Variants in SAXO1 observed in about 807,000 individuals in gnomAD.
SAXO1 encodes the protein 4930500O09Rik.
Under a neutral mutation model 17.5 loss-of-function variants are expected in SAXO1, and 21 were observed. That is an observed-to-expected ratio of 1.20 (90% CI 0.85 to 1.72). SAXO1 has a LOEUF of 1.72. SAXO1 is among the 40% of genes most tolerant of loss of function. SAXO1 has a pLI of 0.00. For synonymous variants in SAXO1, 274 were observed against 216.5 expected, an observed-to-expected ratio of 1.27 and a Z score of -2.33; for missense variants, 843 against 596.0, an observed-to-expected ratio of 1.41 and a Z score of -4.32.
intron 1 of SAXO1, among the ~76,000 whole-genome samples, chr9:18,956,643 C>T (rs1050283915): frequency 3.9e-5 from 6 of 152,166 alleles, no homozygotes; most frequent in Non-Finnish European, 7.4e-5. Flanking sequence ...CTTAACTCCT[C>T]CGAACTTCAA....
intron 1 of SAXO1, among the ~76,000 whole-genome samples, chr9:19,041,520 G>A (rs1162727154): frequency 2.0e-5 from 3 of 152,094 alleles, no homozygotes; most frequent in Non-Finnish European, 4.4e-5. Flanking sequence ...AAAATTGGAG[G>A]AATCACATTA....
intron 1 of SAXO1, among the ~76,000 whole-genome samples, chr9:19,001,127 C>T (rs112745602): frequency 0.04 from 6,125 of 152,272 alleles, 146 homozygotes; most frequent in Middle Eastern, 0.085. Flanking sequence ...CCCAAATCAA[C>T]AGAATATACA....
rs1264929513 is a variant in SAXO1, at chr9:18,986,458, A to T, written c.39-35521T>A. ...TAAATGGTCAAAGAACAGAGAGACC[A>T]ATCGAGGAAGGTAAACACAATTTTA... On this transcript the variant is annotated intron_variant, in intron 1 of 3. Transcript: ENST00000380534. Among the ~76,000 whole-genome samples, 4 of 152,358 alleles carry T rather than the reference A, an allele frequency of 2.6e-5. No homozygotes were observed. The East Asian group carries it at 7.7e-4, about 29-fold the overall frequency.
intron 1 of SAXO1, among the ~76,000 whole-genome samples, chr9:18,953,514 G>C (rs1232483072): frequency 6.6e-6 from 1 of 152,182 alleles, no homozygotes; most frequent in Non-Finnish European, 1.5e-5. Context: ...TTGACTTATT[G>C]CTGGTTAACT....
chr9:19,024,725 AC>A (rs1235754350), intron 1 of SAXO1, among the ~76,000 whole-genome samples: 2 of 151,132 alleles, frequency 1.3e-5, no homozygotes, highest in African/African-American at 4.9e-5. Flanking sequence ...CGCCTCTCCC[AC>A]CCCTCACATC....
intron 1 of SAXO1, among the ~76,000 whole-genome samples, chr9:19,044,601 C>G (rs978102938): frequency 1.3e-5 from 2 of 152,182 alleles, no homozygotes; most frequent in African/African-American, 4.8e-5. Context: ...CGGTAGCTCA[C>G]GCCTGTAATC....
Position 18,950,767 on chromosome 9 carries a change from G to T in SAXO1, c.209C>A (p.Thr70Asn), listed in dbSNP as rs1029829826. 1.2e-6 allele frequency: 2 copies of T among 1,613,062 alleles called. No individual in the cohort carries two copies. Among genetic ancestry groups the T allele is most frequent in the Admixed American group, 1.7e-5 (1 of 59,930 alleles). Residue 70 changes from threonine to asparagine, a missense_variant, in exon 2 of 4, where the codon ACT (threonine) becomes AAT (asparagine). By Grantham distance (65) the Thr-to-Asn change is moderately conservative. Transcript: ENST00000380534. The part of the protein sequence containing the change: ...QKGPIPMEGL[T>N]TSRRDFGPHK... The stretch of plus-strand genomic sequence containing the variant: ...TACTGTTTGCCCTCACCTTGATGTA[G>T]TCAGGCCTTCCATTGGTATAGGCCC...
At chr9:18,936,921 G>C (rs1588405710) in intron 3 of SAXO1, among the ~76,000 whole-genome samples, 1 of 152,090 alleles carries the variant, frequency 6.6e-6, no homozygotes, top group Admixed American at 6.5e-5. Context: ...AGAGTGAAAA[G>C]GGGAAAAAAA....
chr9:18,980,852 C>T (rs10811073), intron 1 of SAXO1, among the ~76,000 whole-genome samples: 86,963 of 148,256 alleles, frequency 0.59, 27,890 homozygotes, highest in Non-Finnish European at 0.72. Context: ...CGAGAACCCT[C>T]ACCGCTCATC....
At chr9:18,963,863 T>C (rs1230364142) in intron 1 of SAXO1, among the ~76,000 whole-genome samples, 2 of 152,224 alleles carry the variant, frequency 1.3e-5, no homozygotes, top group African/African-American at 2.4e-5. Context: ...CATCCTTGTC[T>C]TGTGCTGGTT....
intron 1 of SAXO1, among the ~76,000 whole-genome samples, chr9:18,957,957 A>G (rs959029262): frequency 5.9e-5 from 9 of 152,380 alleles, no homozygotes; most frequent in East Asian, 3.9e-4. Flanking sequence ...ACTGCAAAAT[A>G]TAACAACTTT....
intron 1 of SAXO1, among the ~76,000 whole-genome samples, chr9:18,979,666 G>C (rs1179122212): frequency 6.6e-6 from 1 of 152,174 alleles, no homozygotes; most frequent in Non-Finnish European, 1.5e-5. Flanking sequence ...AAGAGTGTAT[G>C]GGCTGAGAGG....
At chr9:18,968,572 A>T (rs1479249037) in intron 1 of SAXO1, among the ~76,000 whole-genome samples, 1 of 148,056 alleles carries the variant, frequency 6.8e-6, no homozygotes, top group Non-Finnish European at 1.5e-5. Flanking sequence ...TAGTGGCATC[A>T]TGGTTAAGAA....
intron 3 of SAXO1, among the ~76,000 whole-genome samples, chr9:18,937,186 A>G (rs969286859): frequency 6.6e-6 from 1 of 152,234 alleles, no homozygotes; most frequent in African/African-American, 2.4e-5. Context: ...GTGACCCCTC[A>G]TAAATGCATG....
In SAXO1 at chr9:19,032,990, G is replaced by T. The variant is rs1193460604; in HGVS notation, c.-82C>A. 1.4e-6 allele frequency: 2 copies of T among 1,429,250 alleles called. No individual in the cohort carries two copies. Among genetic ancestry groups the T allele is most frequent in the East Asian group, 5.0e-5 (2 of 39,956 alleles). 88.5% of individuals were successfully genotyped at this position (1,429,250 alleles called of 1,614,324 possible). ...CCTAGACCCCAACCACCTGTCTTGG[G>T]GCACGCCCAGGCTCGAGGGTCTTGG... On this transcript the variant is annotated 5_prime_UTR_variant, in exon 1 of 4. Coordinates refer to ENST00000380534, the MANE Select transcript of SAXO1 (RefSeq NM_153707.4).
At chr9:18,986,624 G>T (rs183033402) in intron 1 of SAXO1, among the ~76,000 whole-genome samples, 1 of 152,188 alleles carries the variant, frequency 6.6e-6, no homozygotes. Context: ...AAAAAAAGGG[G>T]GGGCGGTTCC....
intron 1 of SAXO1, among the ~76,000 whole-genome samples, chr9:18,983,274 C>T (rs1362137414): frequency 1.3e-5 from 2 of 152,084 alleles, no homozygotes; most frequent in Non-Finnish European, 2.9e-5. Context: ...GCATGTCTTA[C>T]ATGGCAGCAG....
intron 1 of SAXO1, among the ~76,000 whole-genome samples, chr9:18,992,036 C>T (rs757832134): frequency 4.6e-5 from 7 of 152,180 alleles, no homozygotes; most frequent in East Asian, 1.9e-4. Flanking sequence ...ATGCCAGGCA[C>T]GATTTAATCC....
rs148876624 is a variant in SAXO1 at position 18,928,654 on chromosome 9, G to A, written c.823C>T (p.Arg275Ter). ...DMPFCNTTEF[R>*]DKYQAWPMPR... Reference sequence around the variant, plus strand: ...ATTGGCCAAGCTTGGTACTTATCTCGAAACTCAGTGGTGTTACAGAAAGGC... The same window carrying A: ...ATTGGCCAAGCTTGGTACTTATCTCAAAACTCAGTGGTGTTACAGAAAGGC... Residue 275 changes from arginine to a stop codon, truncating the protein, a stop_gained, in exon 4 of 4, where the codon CGA (arginine) becomes TGA (stop). Coordinates refer to ENST00000380534, the MANE Select transcript of SAXO1 (RefSeq NM_153707.4). LOFTEE classifies it low-confidence loss of function (END_TRUNC). 1,050 of 1,614,122 alleles carry A rather than the reference G, an allele frequency of 6.5e-4. 2 individuals are homozygous for A. The highest frequency in any genetic ancestry group is 8.3e-4 in the Non-Finnish European group (974 of 1,180,022).
Sources: gnomAD v4.1 joint callset for allele counts (sites outside exome capture counted in the v4.1 genomes callset) on GRCh38, gnomAD v4.1.1 for gene constraint, MANE v1.5 for transcripts, NCBI Gene and HGNC (gene_info 2026-07-23, HGNC 2026-07-21) for gene names.